The following POC1A variants were observed in gnomAD, a reference collection of about 807,000 sequenced individuals.
POC1A encodes POC1 centriolar protein homolog A.
In POC1A, 34 loss-of-function variants were observed where a neutral mutation model predicts 47.8. That is an observed-to-expected ratio of 0.71 (90% confidence interval 0.54 to 0.95). The LOEUF (loss-of-function observed/expected upper bound fraction) is 0.95. Ranked by LOEUF, POC1A falls within the 40% of genes least tolerant of loss-of-function variation. POC1A has a pLI of 0.00. For synonymous variants in POC1A, 177 were observed against 207.6 expected (o/e 0.85, Z 1.27); for missense variants, 466 against 528.3 (o/e 0.88, Z 1.16).
chr3:52,113,763 T>C (rs140220750), intron 9 of POC1A, among the ~76,000 whole-genome samples: 13 of 152,292 alleles, frequency 8.5e-5, no homozygotes, highest in African/African-American at 2.9e-4. Flanking sequence ...GTAACAAATA[T>C]TGAATCTTCT....
chr3:52,110,894 A>C (rs1276425529), intron 9 of POC1A, among the ~76,000 whole-genome samples: 1 of 152,236 alleles, frequency 6.6e-6, no homozygotes, highest in Non-Finnish European at 1.5e-5. Flanking sequence ...CCAGGGGAAA[A>C]GGAAAACCCA....
chr3:52,149,854 G>A lies in POC1A; in HGVS notation c.237C>T (p.Gly79=). The part of the protein sequence containing the change: ...FSPSGHLLAS[G]SRDKTVRIWV... ...AGATGCGGACAGTCTTGTCTCGGGAGCCGGAAGCAAGCAGGTGTCCCGAAG... is the reference window on the plus strand; with the variant it reads ...AGATGCGGACAGTCTTGTCTCGGGAACCGGAAGCAAGCAGGTGTCCCGAAG... Residue 79 remains glycine (G), a synonymous_variant, in exon 3 of 11, where the codon GGC becomes GGT. Coordinates refer to ENST00000296484, the MANE Select transcript of POC1A (RefSeq NM_015426.5). 2 of 1,613,962 alleles carry A rather than the reference G, an allele frequency of 1.2e-6. No homozygotes were observed. The highest frequency in any genetic ancestry group is 1.7e-6 in the Non-Finnish European group (2 of 1,180,020).
chr3:52,106,995 GGAA>G (rs1703208113), intron 9 of POC1A, among the ~76,000 whole-genome samples: 1 of 152,268 alleles, frequency 6.6e-6, no homozygotes, highest in Non-Finnish European at 1.5e-5. Context: ...GCCCCCAGGA[GGAA>G]GAAGTTGATC....
At chr3:52,132,909 G>T (rs1704281572) in intron 7 of POC1A, among the ~76,000 whole-genome samples, 2 of 152,094 alleles carry the variant, frequency 1.3e-5, no homozygotes. Flanking sequence ...AGCCGGGCAT[G>T]GTGGCGTGCA....
At position 52,150,012 on chromosome 3, in the gene POC1A, AC is replaced by A. The variant is rs766390963; in HGVS notation, c.104-26del. ...GCTGAGGACAGTGGGTGATGCTATG[AC>A]CTACAGCTCTAACAGGCTTCAAGCC... On this transcript the variant is annotated intron_variant, in intron 2 of 10. Transcript: ENST00000296484. 11 of 1,601,168 alleles carry A rather than the reference AC, an allele frequency of 6.9e-6. No homozygotes were observed. The Admixed American group carries it at 8.4e-5, about 12-fold the overall frequency.
intron 9 of POC1A, among the ~76,000 whole-genome samples, chr3:52,102,728 A>C (rs958330604): frequency 6.6e-6 from 1 of 152,220 alleles, no homozygotes; most frequent in Non-Finnish European, 1.5e-5. Flanking sequence ...GTATGTTGAA[A>C]ACTACAAAAC....
At chr3:52,103,896 G>A (rs370919098) in intron 9 of POC1A, among the ~76,000 whole-genome samples, 5 of 152,124 alleles carry the variant, frequency 3.3e-5, no homozygotes, top group African/African-American at 4.8e-5. Flanking sequence ...CTGCTGGCAC[G>A]AACGTAAGAT....
At chr3:52,088,669 C>T (rs1335713263) in intron 10 of POC1A, among the ~76,000 whole-genome samples, 1 of 152,046 alleles carries the variant, frequency 6.6e-6, no homozygotes, top group African/African-American at 2.4e-5. Context: ...AACACAGGCC[C>T]CTTTCTTGTG....
intron 10 of POC1A, among the ~76,000 whole-genome samples, chr3:52,076,877 G>A (rs1702131006): frequency 6.6e-6 from 1 of 152,278 alleles, no homozygotes; most frequent in Non-Finnish European, 1.5e-5. Flanking sequence ...GGAGCTGCAT[G>A]TGCTTCATGG....
At chr3:52,137,195 G>A (rs767391960) in intron 7 of POC1A, among the ~76,000 whole-genome samples, 12 of 152,112 alleles carry the variant, frequency 7.9e-5, no homozygotes, top group Admixed American at 1.3e-4. Flanking sequence ...GCTGGGGGCA[G>A]CAAGCAGCCT....
At chr3:52,146,261 G>C (rs1471088338) in intron 5 of POC1A, among the ~76,000 whole-genome samples, 1 of 152,272 alleles carries the variant, frequency 6.6e-6, no homozygotes, top group Non-Finnish European at 1.5e-5. Context: ...AGGCTCCCCT[G>C]GGATTTTCAA....
chr3:52,085,511 T>G (rs1205481915), intron 10 of POC1A, among the ~76,000 whole-genome samples: 1 of 152,196 alleles, frequency 6.6e-6, no homozygotes, highest in African/African-American at 2.4e-5. Flanking sequence ...CAATACTGCC[T>G]TCCCTGCCCA....
intron 9 of POC1A, among the ~76,000 whole-genome samples, chr3:52,103,058 T>C (rs1703052972): frequency 6.6e-6 from 1 of 152,244 alleles, no homozygotes; most frequent in Admixed American, 6.5e-5. Flanking sequence ...TAGACCAGTA[T>C]CCGGCCAGTT....
intron 1 of POC1A, among the ~76,000 whole-genome samples, chr3:52,152,353 T>G (rs1559857149): frequency 6.6e-6 from 1 of 152,076 alleles, no homozygotes; most frequent in Non-Finnish European, 1.5e-5. Flanking sequence ...GCAGATTACC[T>G]GAGGTCAAGA....
chr3:52,141,894 G>A (rs1698206105), intron 6 of POC1A, among the ~76,000 whole-genome samples: 1 of 152,176 alleles, frequency 6.6e-6, no homozygotes, highest in Non-Finnish European at 1.5e-5. Flanking sequence ...GGGGTGCAGG[G>A]CTGCACTAAA....
chr3:52,091,815 A>C (rs1440125213), intron 10 of POC1A, among the ~76,000 whole-genome samples: 1 of 152,220 alleles, frequency 6.6e-6, no homozygotes, highest in Non-Finnish European at 1.5e-5. Context: ...GCACCAGTCT[A>C]GCACACTCAG....
At chr3:52,150,425 GT>G (rs1435349466) in intron 2 of POC1A, among the ~76,000 whole-genome samples, 1 of 152,178 alleles carries the variant, frequency 6.6e-6, no homozygotes, top group Non-Finnish European at 1.5e-5. Flanking sequence ...AATCACTTCA[GT>G]TCCCTCTTAA....
intron 6 of POC1A, among the ~76,000 whole-genome samples, chr3:52,138,618 C>G (rs919236963): frequency 6.6e-6 from 1 of 152,224 alleles, no homozygotes; most frequent in Non-Finnish European, 1.5e-5. Flanking sequence ...CAAGCTGGAG[C>G]AGAATAGAGT....
chr3:52,078,503 CT>C (rs531817608), intron 10 of POC1A, among the ~76,000 whole-genome samples: 3,491 of 113,428 alleles, frequency 0.031, 44 homozygotes, highest in Non-Finnish European at 0.045. Context: ...ATGGAAATCT[CT>C]TTTTTTTTTT....
Sources: allele counts gnomAD v4.1 joint callset (sites outside exome capture counted in the v4.1 genomes callset), GRCh38; gene constraint gnomAD v4.1.1; transcripts MANE v1.5; gene names NCBI Gene and HGNC (gene_info 2026-07-23, HGNC 2026-07-21).